ZP3: variants seen among roughly 807,000 people sequenced by gnomAD.
The protein encoded by ZP3 is zona pellucida glycoprotein 3.
Under a neutral mutation model 35.6 loss-of-function variants are expected in ZP3, and 21 were observed. That is an observed-to-expected ratio of 0.59 (90% confidence interval 0.42 to 0.85). The LOEUF (loss-of-function observed/expected upper bound fraction) is 0.85, where lower values mean the gene tolerates loss of function less well. Among genes scored for constraint, ZP3 ranks in the 40% least tolerant of loss-of-function variants. The probability of loss-of-function intolerance (pLI) is 0.00; values close to 1 mark genes in which losing one functional copy is unlikely to be tolerated. For missense variants in ZP3, 437 were observed against 536.5 expected (o/e 0.81, Z 1.83); for synonymous variants, 207 against 214.5 (o/e 0.96, Z 0.31).
At chr7:76,438,605 T>G (rs2530649) in intron 5 of ZP3, among the ~76,000 whole-genome samples, 10,329 of 83,608 alleles carry the variant, frequency 0.12, 32 homozygotes, top group South Asian at 0.17. Flanking sequence ...CCCTGGGTGG[T>G]GGGGGGTCTT....
At chr7:76,432,555 A>G (rs1034336800) in intron 2 of ZP3, among the ~76,000 whole-genome samples, 1 of 152,056 alleles carries the variant, frequency 6.6e-6, no homozygotes, top group Non-Finnish European at 1.5e-5. Flanking sequence ...GCCTCAGGCA[A>G]TCCTCCAGTC....
At position 76,436,793 on chromosome 7, in the gene ZP3, C is replaced by A. The variant is rs1806027280; in HGVS notation, c.831+2638C>A. On this transcript the variant is annotated intron_variant, in intron 5 of 7. Transcript: ENST00000394857. The stretch of plus-strand genomic sequence containing the variant: ...AAGTCAAGATTGACCTCAGGTGTGG[C>A]CATTTGGGAAGAAGATGGAGAGAAG... 2.0e-5 allele frequency among the ~76,000 whole-genome samples: 3 copies of A among 152,166 alleles called. No individual in the cohort carries two copies. The South Asian group carries it at 6.2e-4, about 32-fold the overall frequency.
rs187911808 is a variant in ZP3, at chr7:76,425,957, T to G, written c.312+681T>G. ...AATTAGCCAGGCATGGTGGTGCGTG[T>G]CTGTAATCCCAGCTACTCAGGAGGC... On this transcript the variant is annotated intron_variant, in intron 1 of 7. Transcript: ENST00000394857. 3.6e-3 allele frequency among the ~76,000 whole-genome samples: 540 copies of G among 151,962 alleles called. 2 individuals carry two copies. Among genetic ancestry groups the G allele is most frequent in the Non-Finnish European group, 4.9e-3 (336 of 67,966 alleles).
At chr7:76,413,655 A>G (rs867073989) in intron 1 of ZP3, among the ~76,000 whole-genome samples, 5 of 152,062 alleles carry the variant, frequency 3.3e-5, no homozygotes, top group Middle Eastern at 3.4e-3. Flanking sequence ...AAACAGACTA[A>G]TATTTTAATT....
At chr7:76,428,788 T>C (rs1163408161) in intron 1 of ZP3, 1 of 152,534 alleles carries the variant, frequency 6.6e-6, no homozygotes, top group Non-Finnish European at 1.5e-5. Context: ...TTCAAGCGAT[T>C]CTTCTGCCTC....
At chr7:76,419,170 G>A (rs947491978) in intron 1 of ZP3, among the ~76,000 whole-genome samples, 2 of 152,048 alleles carry the variant, frequency 1.3e-5, no homozygotes, top group Non-Finnish European at 2.9e-5. Context: ...AATAATTTTG[G>A]TCATTATTTA....
intron 5 of ZP3, among the ~76,000 whole-genome samples, chr7:76,435,580 G>A (rs1265009389): frequency 2.2e-4 from 34 of 152,330 alleles, no homozygotes; most frequent in Non-Finnish European, 2.8e-4. Flanking sequence ...TGGAGAGGTT[G>A]TAAAAATACT....
chr7:76,437,680 G>GTTT (rs1806065690), intron 5 of ZP3, among the ~76,000 whole-genome samples: 1 of 102,392 alleles, frequency 9.8e-6, no homozygotes, highest in African/African-American at 3.8e-5. Flanking sequence ...TTTTTTTTTA[G>GTTT]TAGAGATGGG....
intron 1 of ZP3, chr7:76,398,788 G>T (rs1563683291): frequency 6.2e-7 from 1 of 1,612,666 alleles, no homozygotes; most frequent in Non-Finnish European, 8.5e-7. Context: ...GGGCTGCGTT[G>T]GCAAGAATTC....
At chr7:76,436,100 G>A (rs1291574813) in intron 5 of ZP3, among the ~76,000 whole-genome samples, 1 of 114,312 alleles carries the variant, frequency 8.7e-6, no homozygotes, top group Non-Finnish European at 1.6e-5. Context: ...CACCCAGGCT[G>A]GAGTACAGTG....
rs114782962 is a variant in ZP3 at position 76,400,481 on chromosome 7, C to T, written c.-67+2684C>T. 1,831 of 1,606,606 alleles carry T rather than the reference C, an allele frequency of 1.1e-3. 15 individuals carry two copies. In the African/African-American group the frequency reaches 0.022, roughly 19 times the overall value. On this transcript the variant is annotated intron_variant, in intron 1 of 8. Coordinates refer to the ZP3 transcript ENST00000336517. Reference sequence around the variant, plus strand: ...CCACAGCCCAGCTGGCGACACACTACGTTGGCGTCCACCACGTCCCAGTCG... The same window carrying T: ...CCACAGCCCAGCTGGCGACACACTATGTTGGCGTCCACCACGTCCCAGTCG...
chr7:76,404,739 C>T (rs1049286801), intron 1 of ZP3, among the ~76,000 whole-genome samples: 1 of 150,964 alleles, frequency 6.6e-6, no homozygotes, highest in African/African-American at 2.4e-5. Flanking sequence ...GAGATATAGC[C>T]TGGGTAACAT....
At chr7:76,422,632 T>A (rs1805529643), upstream of ZP3, among the ~76,000 whole-genome samples, 1 of 143,952 alleles carries the variant, frequency 6.9e-6, no homozygotes, top group South Asian at 2.2e-4. Context: ...TGAGCTGAGA[T>A]CGCGCCACTG....
At position 76,441,741 on chromosome 7, in the gene ZP3, G is replaced by A. The variant is rs779851793; in HGVS notation, c.1061-101G>A. 769 of 1,071,932 alleles carry A rather than the reference G, an allele frequency of 7.2e-4. 3 individuals carry two copies. Among genetic ancestry groups the A allele is most frequent in the Middle Eastern group, 3.2e-3 (16 of 4,926 alleles). The allele number at this position is 1,071,932 out of a possible 1,614,324, so 66.4% of individuals were successfully genotyped here. On this transcript the variant is annotated intron_variant, in intron 7 of 7. Coordinates refer to ENST00000394857, the MANE Select transcript of ZP3 (RefSeq NM_001110354.2). ...ACTGTTTATTAGCCCACACAAAAAA[G>A]ACAACATATTAGTTTAGCCCACTGA...
chr7:76,433,377 A>AC (rs1389861737), intron 3 of ZP3, 93 bp from the exon 4 acceptor site: 152 of 1,403,746 alleles, frequency 1.1e-4, no homozygotes, highest in Non-Finnish European at 1.3e-4. Flanking sequence ...CTGGTCTCGA[A>AC]CTCCTGACCT....
At chr7:76,426,974 A>G (rs1319950938) in intron 1 of ZP3, among the ~76,000 whole-genome samples, 2 of 151,554 alleles carry the variant, frequency 1.3e-5, no homozygotes, top group Non-Finnish European at 2.9e-5. Flanking sequence ...AGGATTGCTT[A>G]AACCCATGAT....
intron 1 of ZP3, among the ~76,000 whole-genome samples, chr7:76,405,495 T>C (rs1399150401): frequency 6.7e-6 from 1 of 150,346 alleles, no homozygotes; most frequent in Non-Finnish European, 1.5e-5. Flanking sequence ...ACATTTCTTT[T>C]TTATGAGTCG....
chr7:76,419,488 T>C (rs924743310), intron 1 of ZP3, among the ~76,000 whole-genome samples: 1 of 152,192 alleles, frequency 6.6e-6, no homozygotes, highest in Non-Finnish European at 1.5e-5. Flanking sequence ...TTCTAGGCTC[T>C]CTCATCTATT....
intron 5 of ZP3, among the ~76,000 whole-genome samples, chr7:76,436,714 C>A (rs1176970344): frequency 5.3e-5 from 8 of 152,238 alleles, no homozygotes; most frequent in African/African-American, 1.9e-4. Context: ...GAGTCCTGGC[C>A]CTCGGATCAG....
Sources: gnomAD v4.1 joint callset for allele counts (sites outside exome capture counted in the v4.1 genomes callset) on GRCh38, gnomAD v4.1.1 for gene constraint, MANE v1.5 for transcripts, NCBI Gene and HGNC (gene_info 2026-07-23, HGNC 2026-07-21) for gene names.